DNAL4: variants seen among roughly 807,000 people sequenced by gnomAD.
DNAL4 encodes the protein dynein axonemal light chain 4.
DNAL4 carries 10 observed loss-of-function variants against 12.6 expected under a neutral mutation model. That is an observed-to-expected ratio of 0.79 (90% CI 0.49 to 1.34). DNAL4 has a LOEUF of 1.34. DNAL4 is among the 40% of genes most tolerant of loss of function. The pLI is 0.00. For synonymous variants in DNAL4, 46 were observed against 53.1 expected, an observed-to-expected ratio of 0.87 and a Z score of 0.58; for missense variants, 128 against 138.1, an observed-to-expected ratio of 0.93 and a Z score of 0.37.
intron 1 of DNAL4, among the ~76,000 whole-genome samples, chr22:38,783,960 CAA>C (rs966062687): frequency 3.6e-5 from 5 of 137,336 alleles, no homozygotes; most frequent in Non-Finnish European, 6.3e-5. Flanking sequence ...TCTCATAATT[CAA>C]AGTTTTTTTT....
rs1261796960 is a variant in DNAL4, at chr22:38,780,952, A to G, written c.127T>C (p.Cys43Arg). The stretch of plus-strand genomic sequence containing the variant: ...TCGTTGTTGTTGGAGAATTTCTCAC[A>G]GGCTGTGACACATAGCTCCATGGTC... ...VETMELCVTA[C>R]EKFSNNNESA... Residue 43 changes from cysteine (C) to arginine (R), a missense_variant, in exon 3 of 4, where the codon TGT becomes CGT. Transcript: ENST00000216068. 1 of 1,614,096 alleles carries G rather than the reference A, an allele frequency of 6.2e-7. No individual in the cohort carries two copies. Among genetic ancestry groups the G allele is most frequent in the African/African-American group, 1.3e-5 (1 of 74,950 alleles).
In DNAL4 at chr22:38,782,837, G is replaced by C; in HGVS notation, c.-106C>G. The stretch of plus-strand genomic sequence containing the variant: ...TTCAGGAAGCAGGCCCTGCCAACTC[G>C]GTGGGAGCAGAAAATGTCTTTCCCC... On this transcript the variant is annotated 5_prime_UTR_variant, in exon 2 of 4. Coordinates refer to ENST00000216068, the MANE Select transcript of DNAL4 (RefSeq NM_005740.3). The surrounding 1 kb of genome is among the most constrained non-coding windows in gnomAD (Gnocchi z 5.1). 1 of 1,052,144 alleles carries C rather than the reference G, an allele frequency of 9.5e-7. No individual in the cohort carries two copies. The highest frequency in any genetic ancestry group is 1.4e-6 in the Non-Finnish European group (1 of 736,182). 65.2% of individuals were successfully genotyped at this position (1,052,144 alleles called of 1,614,324 possible). A position where few individuals can be genotyped will look rare whatever the true frequency, so the allele number is the denominator to read the frequency against.
In DNAL4 at chr22:38,782,576, C is replaced by A; in HGVS notation, c.69+87G>T. On this transcript the variant is annotated intron_variant, in intron 2 of 3. Coordinates refer to ENST00000216068, the MANE Select transcript of DNAL4 (RefSeq NM_005740.3). The surrounding 1 kb of genome is among the most constrained non-coding windows in gnomAD (Gnocchi z 5.1). Reference sequence around the variant, plus strand: ...AGCCCTTCTTAACTTCCTCCCACTGCCATCCTGCAAGGGACAAGCTCCACC... The same window carrying A: ...AGCCCTTCTTAACTTCCTCCCACTGACATCCTGCAAGGGACAAGCTCCACC... The A allele has an allele frequency of 7.2e-7, 1 of 1,393,954 alleles. No homozygotes were observed. The highest frequency in any genetic ancestry group is 1.0e-6 in the Non-Finnish European group (1 of 1,001,538). 86.3% of individuals were successfully genotyped at this position (1,393,954 alleles called of 1,614,324 possible). A position where few individuals can be genotyped will look rare whatever the true frequency, so the allele number is the denominator to read the frequency against.
intron 1 of DNAL4, among the ~76,000 whole-genome samples, chr22:38,791,533 T>C (rs1379097694): frequency 2.0e-5 from 3 of 150,482 alleles, no homozygotes; most frequent in Non-Finnish European, 4.4e-5. Flanking sequence ...TTTGTATTTT[T>C]ATATTTTGTA....
chr22:38,793,397 T>C (rs915357156), intron 1 of DNAL4, among the ~76,000 whole-genome samples: 8 of 152,188 alleles, frequency 5.3e-5, no homozygotes, highest in Admixed American at 3.3e-4. Context: ...TGCACCGACG[T>C]ATACTGATTT....
At chr22:38,783,844 T>C (rs2093038181) in intron 1 of DNAL4, among the ~76,000 whole-genome samples, 1 of 152,186 alleles carries the variant, frequency 6.6e-6, no homozygotes, top group African/African-American at 2.4e-5. Context: ...TACATGGCTG[T>C]TCCCTAACCG....
In DNAL4 at chr22:38,791,424, G is replaced by A. The variant is rs1277912765; in HGVS notation, c.-140+2644C>T. Among the ~76,000 whole-genome samples, 37 of 151,780 alleles carry A rather than the reference G, an allele frequency of 2.4e-4. 1 individual carries two copies. The highest frequency in any genetic ancestry group is 2.4e-3 in the Admixed American group (36 of 15,232). On this transcript the variant is annotated intron_variant, in intron 1 of 3. Transcript: ENST00000216068. Reference sequence around the variant, plus strand: ...GCTGGAGTGCAAAGCCGTGATCTCGGCTCACTGCAACCTCCGCCGCCTGGG... The same window carrying A: ...GCTGGAGTGCAAAGCCGTGATCTCGACTCACTGCAACCTCCGCCGCCTGGG...
chr22:38,779,100 G>A lies in DNAL4; in HGVS notation c.*349C>T, dbSNP rs2093030245. The A allele has an allele frequency of 5.3e-6, 1 of 189,898 alleles. No individual in the cohort carries two copies. The highest frequency in any genetic ancestry group is 1.1e-5 in the Non-Finnish European group (1 of 93,358). 11.8% of individuals were successfully genotyped at this position (189,898 alleles called of 1,614,324 possible). A position where few individuals can be genotyped will look rare whatever the true frequency, so the allele number is the denominator to read the frequency against. On this transcript the variant is annotated 3_prime_UTR_variant, in exon 4 of 4. Coordinates refer to ENST00000216068, the MANE Select transcript of DNAL4 (RefSeq NM_005740.3). The surrounding 1 kb of genome is among the most constrained non-coding windows in gnomAD (Gnocchi z 4.3). The stretch of plus-strand genomic sequence containing the variant: ...GATGGCAGGGCAGTGGGGCTCCCAG[G>A]ATGCAAGGGGAAGGCAGCCCTGGAG...
intron 3 of DNAL4, 175 bp downstream of exon 3, chr22:38,780,751 G>A: frequency 1.6e-6 from 1 of 631,120 alleles, no homozygotes; most frequent in Admixed American, 3.0e-5. Flanking sequence ...GTCAGTGCCT[G>A]GAGTCAGCGC....
intron 1 of DNAL4, among the ~76,000 whole-genome samples, chr22:38,784,562 G>A (rs1339320538): frequency 2.7e-5 from 4 of 148,822 alleles, no homozygotes; most frequent in South Asian, 2.1e-4. Flanking sequence ...CCAGGCTGGA[G>A]TGCAGTGGCA....
intron 1 of DNAL4, among the ~76,000 whole-genome samples, chr22:38,784,173 G>A (rs2093038648): frequency 6.6e-6 from 1 of 152,170 alleles, no homozygotes; most frequent in African/African-American, 2.4e-5. Flanking sequence ...GTGATGACAC[G>A]TGACGGCTGT....
In DNAL4 at chr22:38,779,715, G is replaced by A. The variant is rs1481521848; in HGVS notation, c.154-102C>T. 2 of 1,395,082 alleles carry A rather than the reference G, an allele frequency of 1.4e-6. No individual in the cohort carries two copies. Among genetic ancestry groups the A allele is most frequent in the Non-Finnish European group, 1.9e-6 (2 of 1,038,810 alleles). 86.4% of individuals were successfully genotyped at this position (1,395,082 alleles called of 1,614,324 possible). On this transcript the variant is annotated intron_variant, in intron 3 of 3. Coordinates refer to ENST00000216068, the MANE Select transcript of DNAL4 (RefSeq NM_005740.3). This position sits in a 1 kb window ranked among gnomAD's most constrained non-coding sequence, Gnocchi z 4.3. Reference sequence around the variant, plus strand: ...AAGGCTGGCACTGAGGTCTTGGCAAGAGAAAGGCCTGCTGTCCTATTTCTC... The same window carrying A: ...AAGGCTGGCACTGAGGTCTTGGCAAAAGAAAGGCCTGCTGTCCTATTTCTC...
At position 38,782,735 on chromosome 22, in the gene DNAL4, C is replaced by T. The variant is rs775154267; in HGVS notation, c.-4G>A. On this transcript the variant is annotated 5_prime_UTR_variant, in exon 2 of 4. Coordinates refer to ENST00000216068, the MANE Select transcript of DNAL4 (RefSeq NM_005740.3). The surrounding 1 kb of genome is among the most constrained non-coding windows in gnomAD (Gnocchi z 5.1). ...TCTTCCCTTCTGTTTCTCCCATGAT[C>T]CTTCCACTGTGACCACTGGAGGAGA... is the stretch of plus-strand genomic sequence containing the variant. The T allele has an allele frequency of 3.7e-6, 6 of 1,609,524 alleles. No homozygotes were observed. Among genetic ancestry groups the T allele is most frequent in the African/African-American group, 1.3e-5 (1 of 74,674 alleles).
At chr22:38,790,887 G>A (rs1039555010) in intron 1 of DNAL4, among the ~76,000 whole-genome samples, 2 of 152,202 alleles carry the variant, frequency 1.3e-5, no homozygotes, top group African/African-American at 4.8e-5. Context: ...AGTACAGTTG[G>A]CCGGGTGCGG....
chr22:38,788,703 A>T (rs924556180), intron 1 of DNAL4, among the ~76,000 whole-genome samples: 3 of 152,182 alleles, frequency 2.0e-5, no homozygotes, highest in Non-Finnish European at 2.9e-5. Flanking sequence ...TGCTCGCCAC[A>T]CACAGCAGGG....
chr22:38,791,311 C>T (rs2093050237), intron 1 of DNAL4, among the ~76,000 whole-genome samples: 1 of 152,060 alleles, frequency 6.6e-6, no homozygotes, highest in South Asian at 2.1e-4. Context: ...AGGCCCAGGA[C>T]ATTACTGGAC....
Position 38,780,974 on chromosome 22 carries a change from G to T in DNAL4, c.105C>A (p.Thr35=). The change falls in exon 3 of 4, where the codon ACC becomes ACA. Residue 35 remains threonine (T), a synonymous_variant. Coordinates refer to ENST00000216068, the MANE Select transcript of DNAL4 (RefSeq NM_005740.3). ...CACAGGCTGTGACACATAGCTCCAT[G>T]GTCTCCACGCGCATCTCCTCTGGCA... ...SDMPEEMRVE[T]MELCVTACEK... 1 of 1,614,180 alleles carries T rather than the reference G, an allele frequency of 6.2e-7. No individual in the cohort carries two copies. The highest frequency in any genetic ancestry group is 8.5e-7 in the Non-Finnish European group (1 of 1,180,016).
At chr22:38,791,592 A>C (rs2093050692) in intron 1 of DNAL4, among the ~76,000 whole-genome samples, 2 of 152,054 alleles carry the variant, frequency 1.3e-5, no homozygotes, top group African/African-American at 4.8e-5. Flanking sequence ...GGGTTTCTCC[A>C]TGTTGATCAG....
intron 1 of DNAL4, among the ~76,000 whole-genome samples, chr22:38,790,036 G>A (rs1270237049): frequency 6.6e-6 from 1 of 151,952 alleles, no homozygotes; most frequent in East Asian, 1.9e-4. Context: ...ACATATTTTT[G>A]TAGACATGGG....
Sources: allele counts gnomAD v4.1 joint callset (sites outside exome capture counted in the v4.1 genomes callset), GRCh38; gene constraint gnomAD v4.1.1; non-coding constraint Gnocchi (gnomAD v3.1); transcripts MANE v1.5; gene names NCBI Gene and HGNC (gene_info 2026-07-23, HGNC 2026-07-21).